MAML3: variants seen among roughly 807,000 people sequenced by gnomAD.
MAML3 encodes mastermind-like protein 3.
In MAML3, 27 loss-of-function variants were observed where a neutral mutation model predicts 101.9. The ratio of observed to expected loss-of-function variants is 0.27; its 90% CI spans 0.20 to 0.37. MAML3 has a LOEUF of 0.37. Among genes scored for constraint, MAML3 ranks in the 10% least tolerant of loss-of-function variants. The pLI is 1.00. For synonymous variants in MAML3, 501 were observed against 555.9 expected, an observed-to-expected ratio of 0.90 and a Z score of 1.39; for missense variants, 1,316 against 1,444.9, an observed-to-expected ratio of 0.91 and a Z score of 1.45.
At chr4:139,740,978 C>G (rs1729146891) in intron 2 of MAML3, among the ~76,000 whole-genome samples, 1 of 152,216 alleles carries the variant, frequency 6.6e-6, no homozygotes, top group African/African-American at 2.4e-5. Flanking sequence ...CCGTGTCAGC[C>G]TGCTCTGCCG....
At chr4:139,811,942 G>A (rs1255935238) in intron 2 of MAML3, among the ~76,000 whole-genome samples, 2 of 152,170 alleles carry the variant, frequency 1.3e-5, no homozygotes, top group Non-Finnish European at 2.9e-5. Context: ...GGAAAGCCAA[G>A]GAGAAGTTAG....
chr4:139,807,476 C>T (rs535949743), intron 2 of MAML3, among the ~76,000 whole-genome samples: 3 of 152,318 alleles, frequency 2.0e-5, no homozygotes, highest in African/African-American at 7.2e-5. Context: ...CTGTTAACAA[C>T]TGGCTTGGTA....
intron 1 of MAML3, among the ~76,000 whole-genome samples, chr4:139,978,204 C>A (rs917358364): frequency 6.6e-6 from 1 of 152,178 alleles, no homozygotes; most frequent in Non-Finnish European, 1.5e-5. Flanking sequence ...AAAAAAAAGT[C>A]TTTGGACCAA....
In MAML3 at chr4:140,117,933, C is replaced by T. The variant is rs137877609; in HGVS notation, c.468+34927G>A. ...AATTCTAAGGGTAATTTGTGTTACA[C>T]ATTTTTAAGGATTTTCACAGATAAC... On this transcript the variant is annotated intron_variant, in intron 1 of 4. Transcript: ENST00000509479. Among the ~76,000 whole-genome samples, 9 of 152,024 alleles carry T rather than the reference C, an allele frequency of 5.9e-5. No homozygotes were observed. The East Asian group carries it at 1.7e-3, about 29-fold the overall frequency.
chr4:140,018,886 T>C (rs1468612047), intron 1 of MAML3, among the ~76,000 whole-genome samples: 1 of 151,982 alleles, frequency 6.6e-6, no homozygotes, highest in African/African-American at 2.4e-5. Context: ...AGAGCAGTCA[T>C]AACTGACAAT....
intron 1 of MAML3, among the ~76,000 whole-genome samples, chr4:139,937,453 C>T (rs1453286483): frequency 1.3e-5 from 2 of 150,886 alleles, no homozygotes; most frequent in Non-Finnish European, 2.9e-5. Flanking sequence ...GTGGTGCAAT[C>T]TCAGCTCACT....
intron 1 of MAML3, among the ~76,000 whole-genome samples, chr4:139,891,388 G>C (rs1487648629): frequency 2.0e-5 from 3 of 152,068 alleles, no homozygotes; most frequent in Non-Finnish European, 4.4e-5. Context: ...AAGCGATTCT[G>C]CTGCCTCAGC....
At chr4:139,954,789 G>C (rs752813305) in intron 1 of MAML3, among the ~76,000 whole-genome samples, 8 of 151,978 alleles carry the variant, frequency 5.3e-5, no homozygotes, top group Admixed American at 2.0e-4. Context: ...CGAGTATCTG[G>C]GATTACAGGC....
chr4:140,026,559 A>G (rs1164123560), intron 1 of MAML3, among the ~76,000 whole-genome samples: 2 of 152,204 alleles, frequency 1.3e-5, no homozygotes, highest in Non-Finnish European at 2.9e-5. Context: ...TGGTCAAAAC[A>G]TATATTAAAA....
At chr4:140,131,141 T>G (rs1041074326) in intron 1 of MAML3, among the ~76,000 whole-genome samples, 2 of 152,192 alleles carry the variant, frequency 1.3e-5, no homozygotes, top group African/African-American at 4.8e-5. Flanking sequence ...CCTCTTTTGT[T>G]TCTGTAGTGG....
At chr4:139,798,173 C>A (rs917679493) in intron 2 of MAML3, among the ~76,000 whole-genome samples, 5 of 152,104 alleles carry the variant, frequency 3.3e-5, no homozygotes, top group Non-Finnish European at 5.9e-5. Flanking sequence ...GAAGCAGTCC[C>A]TCAACCTTTC....
At chr4:140,072,266 C>T (rs548173673) in intron 1 of MAML3, among the ~76,000 whole-genome samples, 70 of 152,276 alleles carry the variant, frequency 4.6e-4, no homozygotes, top group Non-Finnish European at 7.9e-4. Flanking sequence ...TATGACTGTA[C>T]TGAACATGTA....
chr4:139,771,975 C>T (rs534333913), intron 2 of MAML3, among the ~76,000 whole-genome samples: 16 of 149,602 alleles, frequency 1.1e-4, no homozygotes, highest in African/African-American at 2.9e-4. Flanking sequence ...CGCGGTGGCT[C>T]ACGCCTGTAA....
rs923126234 is a variant in MAML3 at position 139,735,402 on chromosome 4, G to C, written c.2080-4735C>G. Among the ~76,000 whole-genome samples, 1 of 151,910 alleles carries C rather than the reference G, an allele frequency of 6.6e-6. No homozygotes were observed. The highest frequency in any genetic ancestry group is 2.4e-5 in the African/African-American group (1 of 41,342). ...GGAGGAAGAATTCAAGTGGGGGAGG[G>C]CGCGGGAAGGGGACGTGGAGGGAAA... On this transcript the variant is annotated intron_variant, in intron 2 of 4. Transcript: ENST00000509479. The surrounding 1 kb of genome is among the most constrained non-coding windows in gnomAD (Gnocchi z 5.8).
chr4:139,793,868 A>T (rs887510432), intron 2 of MAML3, among the ~76,000 whole-genome samples: 2 of 152,218 alleles, frequency 1.3e-5, no homozygotes, highest in South Asian at 4.1e-4. Context: ...GCCCTAGGAG[A>T]ATATTATTAT....
At chr4:140,074,098 CTCCAGCCTGGCGAGAGAG>C (rs1397327996) in intron 1 of MAML3, among the ~76,000 whole-genome samples, 27 of 150,650 alleles carry the variant, frequency 1.8e-4, no homozygotes, top group African/African-American at 6.3e-4. Context: ...TGCCACTGCA[CTCCAGCCTGGCGAGAGAG>C]TGAGACTTCG....
intron 1 of MAML3, among the ~76,000 whole-genome samples, chr4:139,928,241 T>A (rs1403396930): frequency 6.6e-6 from 1 of 152,236 alleles, no homozygotes; most frequent in East Asian, 1.9e-4. Flanking sequence ...TTACATTTCA[T>A]AATAAGCTCT....
At position 139,719,848 on chromosome 4, in the gene MAML3, T is replaced by C. The variant is rs368841295; in HGVS notation, c.2892A>G (p.Gln964=). The change falls in exon 5 of 5, where the codon CAA becomes CAG. Residue 964 remains glutamine, a synonymous_variant. Transcript: ENST00000509479. ...CAGGCATGCCCTGCAAGCTCCTCTG[T>C]TGCCAGCTTTGTGCTCCTTGCTGGA... is the stretch of plus-strand genomic sequence containing the variant. The part of the protein sequence containing the change: ...GTVQQGAQSW[Q]QRSLQGMPGR... 3 of 1,613,660 alleles carry C rather than the reference T, an allele frequency of 1.9e-6. No individual in the cohort carries two copies. Among genetic ancestry groups the C allele is most frequent in the Non-Finnish European group, 2.5e-6 (3 of 1,179,900 alleles).
chr4:140,006,851 C>G (rs536315814), intron 1 of MAML3, among the ~76,000 whole-genome samples: 5 of 152,304 alleles, frequency 3.3e-5, no homozygotes, highest in African/African-American at 1.2e-4. Flanking sequence ...AGCTTACCCG[C>G]TGCCAGGCAC....
Sources: gnomAD v4.1 joint callset for allele counts (sites outside exome capture counted in the v4.1 genomes callset) on GRCh38, gnomAD v4.1.1 for gene constraint, Gnocchi (gnomAD v3.1) non-coding constraint, MANE v1.5 for transcripts, NCBI Gene and HGNC (gene_info 2026-07-23, HGNC 2026-07-21) for gene names.